Variants in SIPA1L2 observed in about 807,000 individuals in gnomAD.
SIPA1L2 encodes the protein signal induced proliferation associated 1 like 2, also known as signal-induced proliferation-associated 1-like protein 2.
Under a neutral mutation model 163.9 loss-of-function variants are expected in SIPA1L2, and 56 were observed. The observed-to-expected ratio is 0.34, with a 90% CI of 0.28 to 0.43. The LOEUF is 0.43. Ranked by LOEUF, SIPA1L2 falls within the 20% of genes least tolerant of loss-of-function variation. The probability of loss-of-function intolerance (pLI) is 1.00; values close to 1 mark genes in which losing one functional copy is unlikely to be tolerated. For missense variants in SIPA1L2, 1,974 were observed against 2,193.5 expected, an observed-to-expected ratio of 0.90 and a Z score of 2.00; for synonymous variants, 877 against 865.7, an observed-to-expected ratio of 1.01 and a Z score of -0.23.
chr1:232,460,719 C>T (rs915565036), intron 10 of SIPA1L2, among the ~76,000 whole-genome samples, 168 bp downstream of exon 10: 1 of 152,182 alleles, frequency 6.6e-6, no homozygotes, highest in African/African-American at 2.4e-5. Flanking sequence ...TTCAATTCCT[C>T]GAACGAGTGA....
At chr1:232,527,525 A>C (rs1281014085) in intron 2 of SIPA1L2, among the ~76,000 whole-genome samples, 1 of 152,202 alleles carries the variant, frequency 6.6e-6, no homozygotes, top group Admixed American at 6.5e-5. Context: ...CTGAGTGCTA[A>C]ATATGAAAAG....
chr1:232,440,957 C>T (rs1052980849), intron 14 of SIPA1L2, among the ~76,000 whole-genome samples: 1 of 152,228 alleles, frequency 6.6e-6, no homozygotes, highest in East Asian at 1.9e-4. Context: ...TGACCACACA[C>T]ACCGATTAGC....
intron 2 of SIPA1L2, among the ~76,000 whole-genome samples, chr1:232,529,957 G>C (rs1207694617): frequency 6.6e-6 from 1 of 152,154 alleles, no homozygotes; most frequent in African/African-American, 2.4e-5. Context: ...CAGTTTGGGA[G>C]AGAAGTGCTG....
At chr1:232,399,738 C>A (rs562777721) in intron 22 of SIPA1L2, among the ~76,000 whole-genome samples, 1 of 152,258 alleles carries the variant, frequency 6.6e-6, no homozygotes, top group East Asian at 1.9e-4. Flanking sequence ...TCCATAATGA[C>A]CCTTAAAATC....
intron 5 of SIPA1L2, among the ~76,000 whole-genome samples, chr1:232,485,311 A>G (rs1379622850): frequency 6.6e-6 from 1 of 152,222 alleles, no homozygotes; most frequent in Non-Finnish European, 1.5e-5. Flanking sequence ...CCCCAACTGC[A>G]TAGCGAGAAA....
chr1:232,621,652 G>A (rs1309111151), intron 1 of SIPA1L2, among the ~76,000 whole-genome samples: 2 of 152,032 alleles, frequency 1.3e-5, no homozygotes, highest in Non-Finnish European at 1.5e-5. Context: ...TTTTACACTC[G>A]CCTTTAAGAA....
intron 19 of SIPA1L2, among the ~76,000 whole-genome samples, chr1:232,406,603 G>T (rs1021170554): frequency 6.6e-6 from 1 of 152,144 alleles, no homozygotes; most frequent in Admixed American, 6.5e-5. Flanking sequence ...CTGGATTGGT[G>T]GGGGTGAATG....
At chr1:232,572,774 T>A (rs1294433490) in intron 2 of SIPA1L2, among the ~76,000 whole-genome samples, 100 of 112,210 alleles carry the variant, frequency 8.9e-4, no homozygotes, top group Non-Finnish European at 1.5e-3. Context: ...TATATATATA[T>A]ATATATTTAT....
At chr1:232,415,151 A>C (rs1289177534) in intron 19 of SIPA1L2, among the ~76,000 whole-genome samples, 1 of 152,212 alleles carries the variant, frequency 6.6e-6, no homozygotes, top group Non-Finnish European at 1.5e-5. Context: ...ATTATACCTC[A>C]GTATGCTATG....
At chr1:232,537,170 G>A (rs990380985) in intron 2 of SIPA1L2, among the ~76,000 whole-genome samples, 7 of 152,130 alleles carry the variant, frequency 4.6e-5, no homozygotes, top group African/African-American at 1.7e-4. Flanking sequence ...CTGGGAGGTT[G>A]AGGCTACAGT....
At chr1:232,591,064 A>C (rs937583353) in intron 1 of SIPA1L2, among the ~76,000 whole-genome samples, 4 of 152,230 alleles carry the variant, frequency 2.6e-5, no homozygotes, top group African/African-American at 9.6e-5. Context: ...AGTGCAGCCA[A>C]CACAGGGGAG....
chr1:232,545,736 C>T (rs1457792814), intron 2 of SIPA1L2, among the ~76,000 whole-genome samples: 2 of 152,132 alleles, frequency 1.3e-5, no homozygotes, highest in Non-Finnish European at 2.9e-5. Flanking sequence ...GCATATAATT[C>T]TCTTAATGTT....
chr1:232,426,476 T>C (rs1177620843), intron 17 of SIPA1L2, among the ~76,000 whole-genome samples: 1 of 152,050 alleles, frequency 6.6e-6, no homozygotes, highest in African/African-American at 2.4e-5. Flanking sequence ...CTGGCTAACA[T>C]GGTAAAACCC....
At chr1:232,543,832 C>T (rs548220878) in intron 2 of SIPA1L2, among the ~76,000 whole-genome samples, 1 of 152,282 alleles carries the variant, frequency 6.6e-6, no homozygotes, top group African/African-American at 2.4e-5. Flanking sequence ...TACACCACTG[C>T]ACTCCAGACT....
intron 16 of SIPA1L2, among the ~76,000 whole-genome samples, chr1:232,430,788 G>T (rs1662186176): frequency 6.6e-6 from 1 of 152,182 alleles, no homozygotes; most frequent in Non-Finnish European, 1.5e-5. Flanking sequence ...TAGGACAGAA[G>T]AACTTCTACA....
In SIPA1L2 at chr1:232,501,050, A is replaced by ATTTTTT. The variant is rs60008360; in HGVS notation, c.1484-7396_1484-7391dup. Among the ~76,000 whole-genome samples the ATTTTTT allele has an allele frequency of 8.8e-3, 691 of 78,396 alleles. 114 individuals carry two copies. The highest frequency in any genetic ancestry group is 0.028 in the African/African-American group (583 of 20,612). The allele number at this position is 78,396 out of a possible 152,430, so 51.4% of individuals were successfully genotyped here. A position where few individuals can be genotyped will look rare whatever the true frequency, so the allele number is the denominator to read the frequency against. On this transcript the variant is annotated intron_variant, in intron 3 of 22. Coordinates refer to ENST00000674635, the MANE Select transcript of SIPA1L2 (RefSeq NM_020808.5). ...TGTTAGCACTTTTTAGCAATGAAGTATTTTTTTTTTTTTTTTTTTTTTTGT... is the reference window on the plus strand; with the variant it reads ...TGTTAGCACTTTTTAGCAATGAAGTATTTTTTTTTTTTTTTTTTTTTTTTTTTTTGT...
intron 18 of SIPA1L2, among the ~76,000 whole-genome samples, chr1:232,416,451 T>G (rs549707025): frequency 3.9e-5 from 6 of 152,212 alleles, no homozygotes; most frequent in Non-Finnish European, 8.8e-5. Flanking sequence ...CCAGGGGGCT[T>G]CTTTTGAGTA....
Position 232,445,525 on chromosome 1 carries a change from T to A in SIPA1L2, c.3353+4A>T, listed in dbSNP as rs1663162448. 1 of 1,613,598 alleles carries A rather than the reference T, an allele frequency of 6.2e-7. No individual in the cohort carries two copies. The highest frequency in any genetic ancestry group is 2.2e-5 in the East Asian group (1 of 44,868). On this transcript the variant is annotated splice_donor_region_variant and intron_variant, in intron 11 of 22. Coordinates refer to ENST00000674635, the MANE Select transcript of SIPA1L2 (RefSeq NM_020808.5). Reference sequence around the variant, plus strand: ...CCCCCTTGAGGAAACGGAACCAGCATTACCTCGTGCCATCGGGCAGCTTCC... The same window carrying A: ...CCCCCTTGAGGAAACGGAACCAGCAATACCTCGTGCCATCGGGCAGCTTCC...
At chr1:232,594,437 C>A (rs1479825777) in intron 1 of SIPA1L2, among the ~76,000 whole-genome samples, 1 of 152,126 alleles carries the variant, frequency 6.6e-6, no homozygotes, top group Admixed American at 6.5e-5. Flanking sequence ...GAACACCGAG[C>A]GGAGCCAGGG....
Sources: allele counts gnomAD v4.1 joint callset (sites outside exome capture counted in the v4.1 genomes callset), GRCh38; gene constraint gnomAD v4.1.1; transcripts MANE v1.5; gene names NCBI Gene and HGNC (gene_info 2026-07-23, HGNC 2026-07-21).